The following FAM107B variants were observed in gnomAD, a reference collection of about 807,000 sequenced individuals.
FAM107B encodes family with sequence similarity 107 member B, also known as protein FAM107B.
FAM107B carries 21 observed loss-of-function variants against 31.5 expected under a neutral mutation model. That is an observed-to-expected ratio of 0.67 (90% CI 0.47 to 0.96). The LOEUF is 0.96. Ranked by LOEUF, FAM107B falls within the 40% of genes least tolerant of loss-of-function variation. The pLI is 0.00. For synonymous variants in FAM107B, 157 were observed against 141.5 expected, an observed-to-expected ratio of 1.11 and a Z score of -0.78; for missense variants, 452 against 377.1, an observed-to-expected ratio of 1.20 and a Z score of -1.64.
intron 2 of FAM107B, among the ~76,000 whole-genome samples, chr10:14,614,276 T>C (rs1852797951): frequency 6.6e-6 from 1 of 152,170 alleles, no homozygotes; most frequent in South Asian, 2.1e-4. Context: ...TGTGTGATAC[T>C]GAAAGCCAGG....
At chr10:14,607,666 A>C (rs1852628334) in intron 2 of FAM107B, among the ~76,000 whole-genome samples, 1 of 152,188 alleles carries the variant, frequency 6.6e-6, no homozygotes, top group South Asian at 2.1e-4. Flanking sequence ...AAGTCAAGGG[A>C]ACTAGTGGCC....
chr10:14,707,388 G>C (rs549485902), intron 1 of FAM107B, among the ~76,000 whole-genome samples: 57 of 128,272 alleles, frequency 4.4e-4, no homozygotes, highest in Non-Finnish European at 7.9e-4. Flanking sequence ...AAGAGGGACT[G>C]CATCATCACT....
intron 2 of FAM107B, chr10:14,553,388 CT>C: frequency 2.4e-6 from 3 of 1,275,180 alleles, no homozygotes; most frequent in Non-Finnish European, 3.1e-6. Context: ...CTGCATTCTC[CT>C]TTAAAAAAAA....
chr10:14,614,978 C>T (rs1300431059), intron 2 of FAM107B, among the ~76,000 whole-genome samples: 1 of 152,012 alleles, frequency 6.6e-6, no homozygotes, highest in African/African-American at 2.4e-5. Flanking sequence ...GGGTAGTAGA[C>T]GGAGGGGAAT....
At chr10:14,604,297 C>G in intron 2 of FAM107B, 1 of 977,500 alleles carries the variant, frequency 1.0e-6, no homozygotes. Context: ...GCGCCCGCGG[C>G]GGCGCCCAGC....
intron 1 of FAM107B, among the ~76,000 whole-genome samples, chr10:14,708,645 T>C (rs1855572800): frequency 6.6e-6 from 1 of 152,178 alleles, no homozygotes; most frequent in South Asian, 2.1e-4. Context: ...TGGACTTCAT[T>C]AAAGTTAAAA....
chr10:14,658,509 C>T (rs1298060458), intron 2 of FAM107B, among the ~76,000 whole-genome samples: 1 of 152,206 alleles, frequency 6.6e-6, no homozygotes, highest in Non-Finnish European at 1.5e-5. Context: ...TCAAAAGTCA[C>T]GTTGTAAACC....
chr10:14,645,197 T>C (rs1853722637), intron 2 of FAM107B, among the ~76,000 whole-genome samples: 1 of 152,224 alleles, frequency 6.6e-6, no homozygotes, highest in Non-Finnish European at 1.5e-5. Context: ...TGGAGAAATG[T>C]AGTTCTTTTC....
intron 2 of FAM107B, among the ~76,000 whole-genome samples, chr10:14,535,378 T>C (rs953649181): frequency 6.6e-6 from 1 of 152,198 alleles, no homozygotes; most frequent in Non-Finnish European, 1.5e-5. Flanking sequence ...GAGAACTCAA[T>C]AGAAGCTATT....
chr10:14,562,540 C>A (rs977772357), intron 2 of FAM107B, among the ~76,000 whole-genome samples: 7 of 152,150 alleles, frequency 4.6e-5, no homozygotes, highest in Admixed American at 3.9e-4. Flanking sequence ...CAAAGAAATA[C>A]AAACATGATG....
intron 2 of FAM107B, among the ~76,000 whole-genome samples, chr10:14,594,703 C>T (rs1852129632): frequency 6.6e-6 from 1 of 152,136 alleles, no homozygotes; most frequent in Admixed American, 6.5e-5. Flanking sequence ...CTTTTAACCT[C>T]CCTTGTTGAA....
At chr10:14,689,345 A>C (rs1231088075) in intron 1 of FAM107B, among the ~76,000 whole-genome samples, 1 of 146,960 alleles carries the variant, frequency 6.8e-6, no homozygotes, top group Non-Finnish European at 1.5e-5. Flanking sequence ...GCACCACTGC[A>C]CTTTAGCCTG....
intron 2 of FAM107B, among the ~76,000 whole-genome samples, chr10:14,607,845 G>T (rs1425094630): frequency 6.6e-6 from 1 of 152,108 alleles, no homozygotes; most frequent in Non-Finnish European, 1.5e-5. Context: ...CCCATCACTG[G>T]TGATAGATTC....
At chr10:14,590,303 T>C (rs989060828) in intron 2 of FAM107B, among the ~76,000 whole-genome samples, 2 of 152,240 alleles carry the variant, frequency 1.3e-5, no homozygotes, top group Non-Finnish European at 2.9e-5. Context: ...CCATGATTTA[T>C]ATGAAATCAA....
chr10:14,741,135 C>G (rs981136613), intron 1 of FAM107B, among the ~76,000 whole-genome samples: 7 of 152,010 alleles, frequency 4.6e-5, no homozygotes, highest in African/African-American at 1.7e-4. Flanking sequence ...AAGATGACAG[C>G]CAGAATCAGG....
chr10:14,722,564 C>T (rs1403254560), intron 1 of FAM107B, among the ~76,000 whole-genome samples: 2 of 152,166 alleles, frequency 1.3e-5, no homozygotes, highest in Non-Finnish European at 2.9e-5. Context: ...TTTGCATTTC[C>T]CTAATGACTA....
intron 1 of FAM107B, among the ~76,000 whole-genome samples, chr10:14,693,156 T>G (rs1379215123): frequency 6.6e-6 from 1 of 152,228 alleles, no homozygotes; most frequent in Admixed American, 6.5e-5. Context: ...GTGTGTGTTT[T>G]TTAAATATAA....
intron 1 of FAM107B, among the ~76,000 whole-genome samples, chr10:14,677,560 G>A (rs533181222): frequency 1.6e-3 from 249 of 152,204 alleles, no homozygotes; most frequent in African/African-American, 5.6e-3. Context: ...GGCGGAGCTT[G>A]CAGTGAGCAG....
At chr10:14,593,664 A>AG (rs1564591651) in intron 2 of FAM107B, among the ~76,000 whole-genome samples, 2 of 151,950 alleles carry the variant, frequency 1.3e-5, no homozygotes, top group Admixed American at 1.3e-4. Flanking sequence ...ACTGTACTCC[A>AG]GCCAGGGGAC....
Sources: allele counts gnomAD v4.1 joint callset (sites outside exome capture counted in the v4.1 genomes callset), GRCh38; gene constraint gnomAD v4.1.1; transcripts MANE v1.5; gene names NCBI Gene and HGNC (gene_info 2026-07-23, HGNC 2026-07-21).